The following VSTM2L variants were observed in gnomAD, a reference collection of about 807,000 sequenced individuals.
The protein encoded by VSTM2L is V-set and transmembrane domain containing 2 like.
A neutral mutation model predicts 19.9 loss-of-function variants in VSTM2L; 9 were observed. The observed-to-expected ratio is 0.45, with a 90% CI of 0.27 to 0.79. The LOEUF is 0.79. Among genes scored for constraint, VSTM2L ranks in the 30% least tolerant of loss-of-function variants. VSTM2L has a pLI of 0.15. For synonymous variants in VSTM2L, 127 were observed against 133.8 expected (o/e 0.95, Z 0.35); for missense variants, 286 against 295.5 (o/e 0.97, Z 0.24).
At position 37,903,424 on chromosome 20, in the gene VSTM2L, C is replaced by CGCG; in HGVS notation, c.77_79dup (p.Arg26dup). The CGCG allele has an allele frequency of 6.7e-7, 1 of 1,488,134 alleles. No individual in the cohort carries two copies. Among genetic ancestry groups the CGCG allele is most frequent in the Non-Finnish European group, 8.9e-7 (1 of 1,125,548 alleles). The allele number at this position is 1,488,134 out of a possible 1,614,324, so 92.2% of individuals were successfully genotyped here. A position where few individuals can be genotyped will look rare whatever the true frequency, so the allele number is the denominator to read the frequency against. On this transcript the variant is annotated inframe_insertion, in exon 1 of 4. Transcript: ENST00000373461. Reference sequence around the variant, plus strand: ...CTTTTCCTGCAACTCGGCGGCGCCACGCGGCCCGCCGGCCACGCGCCCTGG... The same window carrying CGCG: ...CTTTTCCTGCAACTCGGCGGCGCCACGCGGCGGCCCGCCGGCCACGCGCCCTGG...
At chr20:37,938,619 G>A (rs576597972) in intron 3 of VSTM2L, among the ~76,000 whole-genome samples, 1 of 152,384 alleles carries the variant, frequency 6.6e-6, no homozygotes, top group South Asian at 2.1e-4. Context: ...GGCAAGCAGG[G>A]AGGAGGCTGA....
chr20:37,943,340 T>C (rs2072984475), intron 3 of VSTM2L, among the ~76,000 whole-genome samples: 1 of 151,984 alleles, frequency 6.6e-6, no homozygotes, highest in South Asian at 2.1e-4. Flanking sequence ...AGTGGTGCAA[T>C]CACGGCTCAC....
intron 1 of VSTM2L, among the ~76,000 whole-genome samples, chr20:37,920,244 C>T (rs557872258): frequency 1.3e-5 from 2 of 152,202 alleles, no homozygotes; most frequent in Non-Finnish European, 2.9e-5. Context: ...TGACACATGT[C>T]CCTGAGCCTC....
intron 1 of VSTM2L, among the ~76,000 whole-genome samples, chr20:37,927,732 C>A (rs1310649840): frequency 6.6e-6 from 1 of 152,170 alleles, no homozygotes; most frequent in African/African-American, 2.4e-5. Context: ...CAGGAGGAGA[C>A]TGAGTGGGGA....
intron 1 of VSTM2L, among the ~76,000 whole-genome samples, chr20:37,922,994 T>C (rs1199403848): frequency 6.6e-6 from 1 of 152,126 alleles, no homozygotes; most frequent in Admixed American, 6.5e-5. Flanking sequence ...TGATAGGGTG[T>C]TTGAGCTAGG....
intron 3 of VSTM2L, among the ~76,000 whole-genome samples, chr20:37,938,869 C>G (rs1229436508): frequency 1.3e-5 from 2 of 152,092 alleles, no homozygotes; most frequent in Non-Finnish European, 2.9e-5. Flanking sequence ...ATATTGGGCC[C>G]CCTCCCGTGG....
intron 1 of VSTM2L, among the ~76,000 whole-genome samples, chr20:37,904,866 C>T (rs752852181): frequency 2.0e-5 from 3 of 152,198 alleles, no homozygotes; most frequent in Non-Finnish European, 2.9e-5. Context: ...CCGCCCCCTT[C>T]TGCCTCACCA....
intron 1 of VSTM2L, among the ~76,000 whole-genome samples, chr20:37,923,909 A>G (rs1315524687): frequency 6.6e-6 from 1 of 152,210 alleles, no homozygotes; most frequent in Non-Finnish European, 1.5e-5. Flanking sequence ...CACCCACTCC[A>G]TAGCATCATG....
chr20:37,920,185 G>T (rs1351853553), intron 1 of VSTM2L, among the ~76,000 whole-genome samples: 2 of 152,226 alleles, frequency 1.3e-5, no homozygotes, highest in East Asian at 1.9e-4. Context: ...GAGTCCCAAG[G>T]TCTGGGTTTG....
chr20:37,905,058 G>A (rs1277976736), intron 1 of VSTM2L, among the ~76,000 whole-genome samples: 1 of 152,158 alleles, frequency 6.6e-6, no homozygotes, highest in African/African-American at 2.4e-5. Flanking sequence ...CAGTAAGAGA[G>A]TGACTGAGCC....
At chr20:37,938,299 T>C (rs780586805) in intron 3 of VSTM2L, among the ~76,000 whole-genome samples, 37 of 152,158 alleles carry the variant, frequency 2.4e-4, no homozygotes, top group Non-Finnish European at 5.1e-4. Context: ...CAGTAAGGCC[T>C]TCTGGGGCCC....
intron 1 of VSTM2L, among the ~76,000 whole-genome samples, chr20:37,904,956 G>A (rs1255930666): frequency 6.6e-6 from 1 of 152,136 alleles, no homozygotes; most frequent in African/African-American, 2.4e-5. Flanking sequence ...TGGCTAGAGC[G>A]GTGGTAAATA....
intron 1 of VSTM2L, among the ~76,000 whole-genome samples, chr20:37,904,697 A>AT (rs1446791106): frequency 7.2e-5 from 11 of 152,162 alleles, no homozygotes; most frequent in Admixed American, 3.9e-4. Flanking sequence ...AGGCCAGATA[A>AT]TTGGATGATT....
intron 3 of VSTM2L, among the ~76,000 whole-genome samples, chr20:37,939,137 G>A (rs1347545385): frequency 6.6e-6 from 1 of 152,164 alleles, no homozygotes; most frequent in Non-Finnish European, 1.5e-5. Context: ...GGGCGCGGTG[G>A]CTCACGCTTA....
At chr20:37,914,314 GTGTA>G (rs567886797) in intron 1 of VSTM2L, among the ~76,000 whole-genome samples, 1,999 of 150,194 alleles carry the variant, frequency 0.013, 15 homozygotes, top group Middle Eastern at 0.024. Context: ...GTGCATCTGT[GTGTA>G]TGTGTGTGGG....
At chr20:37,936,481 A>T (rs1422135723) in intron 3 of VSTM2L, among the ~76,000 whole-genome samples, 1 of 152,222 alleles carries the variant, frequency 6.6e-6, no homozygotes, top group Non-Finnish European at 1.5e-5. Flanking sequence ...TCATAGGGAG[A>T]TCATTTACGT....
chr20:37,917,973 A>G (rs73908020), intron 1 of VSTM2L, among the ~76,000 whole-genome samples: 2,194 of 152,282 alleles, frequency 0.014, 58 homozygotes, highest in African/African-American at 0.05. Context: ...TTCTTGTCCC[A>G]TGTTTCTGGA....
chr20:37,941,972 GTA>G (rs1292433475), intron 3 of VSTM2L, among the ~76,000 whole-genome samples: 1 of 148,426 alleles, frequency 6.7e-6, no homozygotes, highest in African/African-American at 2.5e-5. Flanking sequence ...TAAGTCTCCT[GTA>G]CCCATCAGCC....
chr20:37,903,546 C>A, intron 1 of VSTM2L, 75 bp downstream of exon 1: 4 of 1,332,494 alleles, frequency 3.0e-6, no homozygotes, highest in Non-Finnish European at 3.8e-6. Context: ...ACTTGGCCGC[C>A]CCGGGGCTCG....
Sources: allele counts gnomAD v4.1 joint callset (sites outside exome capture counted in the v4.1 genomes callset), GRCh38; gene constraint gnomAD v4.1.1; transcripts MANE v1.5; gene names NCBI Gene and HGNC (gene_info 2026-07-23, HGNC 2026-07-21).